The following RCAN1 variants were observed in gnomAD, a reference collection of about 807,000 sequenced individuals.
RCAN1 encodes the protein regulator of calcineurin 1.
RCAN1 carries 11 observed loss-of-function variants against 22.9 expected under a neutral mutation model. That is an observed-to-expected ratio of 0.48 (90% CI 0.30 to 0.79). RCAN1 has a LOEUF of 0.79. Ranked by LOEUF, RCAN1 falls within the 30% of genes least tolerant of loss-of-function variation. RCAN1 has a pLI of 0.06. For synonymous variants in RCAN1, 136 were observed against 142.3 expected (o/e 0.96, Z 0.32); for missense variants, 291 against 337.8 (o/e 0.86, Z 1.09).
At chr21:34,587,502 A>G (rs546002049) in intron 1 of RCAN1, among the ~76,000 whole-genome samples, 58 of 152,318 alleles carry the variant, frequency 3.8e-4, no homozygotes, top group African/African-American at 1.2e-3. Context: ...TGATCAGCCT[A>G]TATCTTTCAT....
At chr21:34,597,314 C>T (rs771300895) in intron 1 of RCAN1, among the ~76,000 whole-genome samples, 28 of 152,134 alleles carry the variant, frequency 1.8e-4, no homozygotes, top group Non-Finnish European at 3.7e-4. Flanking sequence ...AGTTCAGTTC[C>T]TCAGTCATGT....
intron 1 of RCAN1, among the ~76,000 whole-genome samples, chr21:34,539,069 G>A (rs764954995): frequency 3.3e-5 from 5 of 152,044 alleles, no homozygotes; most frequent in Non-Finnish European, 5.9e-5. Flanking sequence ...GAAGAATATC[G>A]GTAAGATTAG....
At chr21:34,521,723 C>T in intron 2 of RCAN1, 65 bp from the exon 3 acceptor site, 1 of 1,383,208 alleles carries the variant, frequency 7.2e-7, no homozygotes, top group Non-Finnish European at 9.9e-7. Context: ...GGCAACAGCA[C>T]CTAACGCCAG....
At chr21:34,613,786 C>G in intron 1 of RCAN1, 1 of 1,502,866 alleles carries the variant, frequency 6.7e-7, no homozygotes, top group Admixed American at 2.0e-5. Flanking sequence ...ATGACACTTA[C>G]ATACACCATT....
chr21:34,590,302 C>T (rs1601205131), intron 1 of RCAN1, among the ~76,000 whole-genome samples: 1 of 152,364 alleles, frequency 6.6e-6, no homozygotes, highest in East Asian at 1.9e-4. Flanking sequence ...GTATCTGTCT[C>T]TCCCATGAAA....
intron 1 of RCAN1, among the ~76,000 whole-genome samples, chr21:34,550,825 G>C (rs900497330): frequency 3.9e-5 from 6 of 152,180 alleles, no homozygotes; most frequent in Admixed American, 3.3e-4. Context: ...AGAAAATGAT[G>C]AGACAGGAAT....
intron 1 of RCAN1, among the ~76,000 whole-genome samples, chr21:34,533,420 C>T (rs1423291120): frequency 6.6e-6 from 1 of 151,960 alleles, no homozygotes; most frequent in Non-Finnish European, 1.5e-5. Context: ...GATTTTATTT[C>T]CCCCACTTTA....
At position 34,545,185 on chromosome 21, in the gene RCAN1, G is replaced by C. The variant is rs538005373; in HGVS notation, c.253-21475C>G. On this transcript the variant is annotated intron_variant, in intron 1 of 3. Transcript: ENST00000313806. ...CTACGAAAGCAGGCTCAGTGCCCCC[G>C]CCCCTTGTTTCAGTGTCACCTCAAG... Among the ~76,000 whole-genome samples, 11 of 152,250 alleles carry C rather than the reference G, an allele frequency of 7.2e-5. No individual in the cohort carries two copies. In the East Asian group the frequency reaches 9.6e-4, roughly 13 times the overall value.
chr21:34,548,995 G>A (rs932640272), intron 1 of RCAN1, among the ~76,000 whole-genome samples: 1 of 152,164 alleles, frequency 6.6e-6, no homozygotes, highest in Non-Finnish European at 1.5e-5. Context: ...CAAACAGTTC[G>A]TTGTGGTCCA....
intron 1 of RCAN1, among the ~76,000 whole-genome samples, chr21:34,528,454 C>G (rs1031485123): frequency 6.6e-6 from 1 of 152,208 alleles, no homozygotes; most frequent in Non-Finnish European, 1.5e-5. Context: ...GTGTAGAATA[C>G]TGAACAATGC....
chr21:34,596,354 C>T (rs1988151874), intron 1 of RCAN1, among the ~76,000 whole-genome samples: 2 of 152,140 alleles, frequency 1.3e-5, no homozygotes, highest in African/African-American at 4.8e-5. Flanking sequence ...GGAGGGAAGG[C>T]TGAGGAGACC....
chr21:34,548,920 CTTATT>C (rs2123640828), intron 1 of RCAN1, among the ~76,000 whole-genome samples: 1 of 152,268 alleles, frequency 6.6e-6, no homozygotes, highest in Non-Finnish European at 1.5e-5. Flanking sequence ...CCTCTTTGCA[CTTATT>C]TTGTGCGCTT....
rs3216563 is a variant in RCAN1 at position 34,584,417 on chromosome 21, TA to T, written c.252+30342del. 5.5e-4 allele frequency among the ~76,000 whole-genome samples: 82 copies of T among 150,402 alleles called. 2 individuals are homozygous for T. The East Asian group carries it at 0.012, about 23-fold the overall frequency. ...CTAAGAAAACAGATGTCACCATGGT[TA>T]AAAAAAAAATTGTACCTTGCAAAAA... On this transcript the variant is annotated intron_variant, in intron 1 of 3. Transcript: ENST00000313806.
intron 1 of RCAN1, among the ~76,000 whole-genome samples, chr21:34,604,480 A>G (rs1380777717): frequency 6.6e-6 from 1 of 152,180 alleles, no homozygotes; most frequent in Non-Finnish European, 1.5e-5. Context: ...ATCTCAGATC[A>G]GTACTGTATA....
intron 1 of RCAN1, among the ~76,000 whole-genome samples, chr21:34,539,057 A>T (rs963398927): frequency 6.6e-5 from 10 of 152,216 alleles, no homozygotes; most frequent in African/African-American, 1.9e-4. Flanking sequence ...AAGGAGCTTC[A>T]AGAAGAATAT....
chr21:34,551,804 T>C lies in RCAN1; in HGVS notation c.253-28094A>G, dbSNP rs558198991. Among the ~76,000 whole-genome samples the C allele has an allele frequency of 2.4e-4, 37 of 152,186 alleles. No individual in the cohort carries two copies. In the South Asian group the frequency reaches 5.8e-3, roughly 24 times the overall value. The stretch of plus-strand genomic sequence containing the variant: ...AAGTGGGCTGTGTAAAAAAAAAATC[T>C]TAGAATGAAGACTTAGGAATAGCGA... On this transcript the variant is annotated intron_variant, in intron 1 of 3. Transcript: ENST00000313806.
intron 1 of RCAN1, chr21:34,525,683 G>T (rs1167953922): frequency 8.3e-6 from 2 of 240,278 alleles, no homozygotes; most frequent in Non-Finnish European, 1.6e-5. Context: ...TCTTATAAAA[G>T]AATCTTATTT....
At chr21:34,606,469 C>A (rs76639360) in intron 1 of RCAN1, among the ~76,000 whole-genome samples, 6,436 of 152,206 alleles carry the variant, frequency 0.042, 193 homozygotes, top group Middle Eastern at 0.071. Flanking sequence ...AAATAGGGTA[C>A]TTAATATACA....
intron 1 of RCAN1, among the ~76,000 whole-genome samples, chr21:34,564,036 C>T (rs1415443074): frequency 6.6e-6 from 1 of 151,888 alleles, no homozygotes; most frequent in African/African-American, 2.4e-5. Flanking sequence ...CTCACAGTTC[C>T]GCATGGCTGG....
Sources: gnomAD v4.1 joint callset for allele counts (sites outside exome capture counted in the v4.1 genomes callset) on GRCh38, gnomAD v4.1.1 for gene constraint, MANE v1.5 for transcripts, NCBI Gene and HGNC (gene_info 2026-07-23, HGNC 2026-07-21) for gene names.